The following CDH9 variants were observed in gnomAD, a reference collection of about 807,000 sequenced individuals.
CDH9 encodes the protein cadherin-9.
CDH9 carries 28 observed loss-of-function variants against 70.9 expected under a neutral mutation model. The observed-to-expected ratio is 0.40, with a 90% CI of 0.29 to 0.54. The LOEUF is 0.54. Ranked by LOEUF, CDH9 falls within the 20% of genes least tolerant of loss-of-function variation. The pLI, the probability that CDH9 is intolerant of heterozygous loss-of-function variation, is 0.59. For missense variants in CDH9, 874 were observed against 984.4 expected (o/e 0.89, Z 1.50); for synonymous variants, 409 against 343.1 (o/e 1.19, Z -2.12).
intron 1 of CDH9, among the ~76,000 whole-genome samples, chr5:27,025,383 C>T (rs74441455): frequency 3.8e-4 from 57 of 151,982 alleles, no homozygotes; most frequent in Middle Eastern, 6.8e-3. Context: ...AGATATGGTA[C>T]GGAAAATAAC....
chr5:26,970,989 AAAAACAT>A (rs992229873), intron 2 of CDH9, among the ~76,000 whole-genome samples: 14 of 152,180 alleles, frequency 9.2e-5, no homozygotes, highest in Non-Finnish European at 1.9e-4. Flanking sequence ...TGTTAGCAGT[AAAAACAT>A]TAGAAATGCT....
chr5:26,901,290 T>C, intron 7 of CDH9, among the ~76,000 whole-genome samples: 1 of 151,946 alleles, frequency 6.6e-6, no homozygotes, highest in Non-Finnish European at 1.5e-5. Context: ...TAGTGAATTA[T>C]ACTGTAATAA....
intron 1 of CDH9, among the ~76,000 whole-genome samples, chr5:27,017,521 G>A (rs1011171039): frequency 5.9e-5 from 9 of 151,908 alleles, no homozygotes; most frequent in Admixed American, 2.0e-4. Context: ...CATTTAAGTA[G>A]GTGAAAAGCC....
At chr5:27,014,192 A>G (rs1367025317) in intron 1 of CDH9, among the ~76,000 whole-genome samples, 1 of 151,984 alleles carries the variant, frequency 6.6e-6, no homozygotes, top group Non-Finnish European at 1.5e-5. Flanking sequence ...AGAAATTAAT[A>G]TACAAGTACA....
chr5:26,943,149 A>G (rs1483601642), intron 2 of CDH9, among the ~76,000 whole-genome samples: 1 of 152,120 alleles, frequency 6.6e-6, no homozygotes, highest in Non-Finnish European at 1.5e-5. Flanking sequence ...AAATGCAAAC[A>G]CAAAACCTTG....
At chr5:26,906,256 A>G in intron 4 of CDH9, 130 bp from the exon 5 acceptor site, 1 of 692,374 alleles carries the variant, frequency 1.4e-6, no homozygotes, top group East Asian at 2.7e-5. Context: ...TATGTCCTTC[A>G]ATCCATAACC....
At chr5:27,025,680 G>A (rs186164411) in intron 1 of CDH9, among the ~76,000 whole-genome samples, 27 of 152,104 alleles carry the variant, frequency 1.8e-4, no homozygotes, top group African/African-American at 2.4e-4. Context: ...GATGGAAAAT[G>A]TTCAAGATAA....
Position 26,997,896 on chromosome 5 carries a change from C to T in CDH9, c.-49-9514G>A, listed in dbSNP as rs542888004. On this transcript the variant is annotated intron_variant, in intron 1 of 11. Coordinates refer to ENST00000231021, the MANE Select transcript of CDH9 (RefSeq NM_016279.4). ...TGTATTTTTAGTAGAGAAGGTGTTT[C>T]ACCATGTTAGCCCGGATGGTCTCGA... Among the ~76,000 whole-genome samples, 4 of 152,190 alleles carry T rather than the reference C, an allele frequency of 2.6e-5. No homozygotes were observed. The South Asian group carries it at 8.3e-4, about 32-fold the overall frequency.
At chr5:26,986,560 C>T (rs1742491138) in intron 2 of CDH9, among the ~76,000 whole-genome samples, 1 of 152,032 alleles carries the variant, frequency 6.6e-6, no homozygotes, top group Admixed American at 6.6e-5. Flanking sequence ...AAAATAAATG[C>T]TTGCTGTAGC....
chr5:26,945,461 A>T (rs1741736422), intron 2 of CDH9, among the ~76,000 whole-genome samples: 1 of 152,128 alleles, frequency 6.6e-6, no homozygotes, highest in African/African-American at 2.4e-5. Context: ...ACATCTGGCT[A>T]TTACCTTTTA....
At chr5:26,993,698 C>CAAAAAAAAAAAAAAAAAAA (rs34545141) in intron 1 of CDH9, among the ~76,000 whole-genome samples, 1 of 51,004 alleles carries the variant, frequency 2.0e-5, no homozygotes, top group Admixed American at 3.1e-4. Context: ...TATTCAGCTG[C>CAAAAAAAAAAAAAAAAAAA]AAAAAAAAAA....
chr5:26,986,292 C>A (rs1268022740), intron 2 of CDH9, among the ~76,000 whole-genome samples: 1 of 151,882 alleles, frequency 6.6e-6, no homozygotes, highest in African/African-American at 2.4e-5. Context: ...TTCGCACATC[C>A]TAACTTGTCC....
intron 1 of CDH9, among the ~76,000 whole-genome samples, chr5:27,019,147 C>G (rs1251452785): frequency 6.6e-6 from 1 of 151,782 alleles, no homozygotes; most frequent in Non-Finnish European, 1.5e-5. Context: ...GAAGTAGACT[C>G]AATTTCATGG....
intron 2 of CDH9, among the ~76,000 whole-genome samples, chr5:26,982,382 G>A (rs17499323): frequency 0.47 from 71,869 of 151,910 alleles, 17,834 homozygotes; most frequent in African/African-American, 0.52. Flanking sequence ...GGAATCAGAA[G>A]AACAGCAAAG....
chr5:27,001,429 G>A (rs184811533), intron 1 of CDH9, among the ~76,000 whole-genome samples: 8 of 152,224 alleles, frequency 5.3e-5, no homozygotes, highest in African/African-American at 1.9e-4. Flanking sequence ...GTTGGCAGAT[G>A]TTGGGATTCA....
intron 1 of CDH9, among the ~76,000 whole-genome samples, chr5:27,019,824 A>ATTC (rs1236506363): frequency 6.6e-6 from 1 of 151,938 alleles, no homozygotes; most frequent in Non-Finnish European, 1.5e-5. Flanking sequence ...ATAACAGAAA[A>ATTC]TTTAAGACAG....
intron 1 of CDH9, among the ~76,000 whole-genome samples, chr5:27,033,179 A>C (rs140086440): frequency 6.6e-6 from 1 of 151,486 alleles, no homozygotes; most frequent in African/African-American, 2.4e-5. Flanking sequence ...AAAATAAAAA[A>C]TTTTCAAATG....
intron 3 of CDH9, among the ~76,000 whole-genome samples, chr5:26,907,439 T>A (rs1740969722): frequency 6.6e-6 from 1 of 152,116 alleles, no homozygotes; most frequent in African/African-American, 2.4e-5. Flanking sequence ...TATGATTACC[T>A]CTATTGATAT....
rs1741877991 is a variant in CDH9, at chr5:26,952,918, AAAAAGTTT to A, written c.228+35180_228+35187del. ...TTCTATTCCAAAAAAAAAAAAAAAA[AAAAAGTTT>A]AAAGAGAATACAGTCAAAGTTGAAA... On this transcript the variant is annotated intron_variant, in intron 2 of 11. Coordinates refer to ENST00000231021, the MANE Select transcript of CDH9 (RefSeq NM_016279.4). Among the ~76,000 whole-genome samples, 3 of 146,782 alleles carry A rather than the reference AAAAAGTTT, an allele frequency of 2.0e-5. No homozygotes were observed. In the East Asian group the frequency reaches 5.8e-4, roughly 28 times the overall value.
Sources: gnomAD v4.1 joint callset for allele counts (sites outside exome capture counted in the v4.1 genomes callset) on GRCh38, gnomAD v4.1.1 for gene constraint, MANE v1.5 for transcripts, NCBI Gene and HGNC (gene_info 2026-07-23, HGNC 2026-07-21) for gene names.